Variants in PGBD2 observed in about 807,000 individuals in gnomAD.
PGBD2 encodes piggyBac transposable element-derived protein 2.
PGBD2 carries 6 observed loss-of-function variants against 8.1 expected under a neutral mutation model. That is an observed-to-expected ratio of 0.74 (90% confidence interval 0.40 to 1.46). The LOEUF is 1.46. Ranked by LOEUF, PGBD2 falls within the 40% of genes most tolerant of loss-of-function variation. The pLI is 0.02. For synonymous variants in PGBD2, 318 were observed against 272.2 expected, an observed-to-expected ratio of 1.17 and a Z score of -1.66; for missense variants, 802 against 739.0, an observed-to-expected ratio of 1.09 and a Z score of -0.99.
At chr1:248,880,151 A>G in the PGBD2 span, among the ~76,000 whole-genome samples, 1 of 152,168 alleles carries the variant, frequency 6.6e-6, no homozygotes, top group Non-Finnish European at 1.5e-5. Context: ...TGTCTTCAGA[A>G]TACATTCTGG....
upstream of PGBD2, among the ~76,000 whole-genome samples, chr1:248,901,906 A>T (rs561685672): frequency 5.3e-5 from 8 of 152,362 alleles, no homozygotes; most frequent in South Asian, 1.7e-3. Context: ...GAATAAAAAC[A>T]AATTTACAAG....
chr1:248,909,556 G>T (rs937465962), intron 1 of PGBD2, among the ~76,000 whole-genome samples: 1 of 152,168 alleles, frequency 6.6e-6, no homozygotes, highest in Non-Finnish European at 1.5e-5. Flanking sequence ...ATTTGGTTCA[G>T]CGAGTATTTA....
the PGBD2 span, among the ~76,000 whole-genome samples, chr1:248,927,564 T>C: frequency 5.9e-5 from 9 of 152,190 alleles, no homozygotes; most frequent in Non-Finnish European, 1.0e-4. Flanking sequence ...CATTATACCA[T>C]GAAAGTAGCC....
rs777470884 is a variant in PGBD2, at chr1:248,916,760, CAG to C, written c.177_178del (p.Asp61Ter). ...GCGGGGGAATTCACTGATGAGGACT[CAG>C]GGGATGAAGACAGCCAGCGAGGTGC... On this transcript the variant is annotated frameshift_variant, in exon 3 of 3. Coordinates refer to ENST00000329291, the MANE Select transcript of PGBD2 (RefSeq NM_170725.3). LOFTEE classifies it low-confidence loss of function (END_TRUNC). The C allele has an allele frequency of 8.1e-6, 13 of 1,614,128 alleles. No homozygotes were observed. The highest frequency in any genetic ancestry group is 4.5e-5 in the East Asian group (2 of 44,884).
At chr1:248,908,207 T>C (rs1661728845) in intron 1 of PGBD2, among the ~76,000 whole-genome samples, 1 of 152,200 alleles carries the variant, frequency 6.6e-6, no homozygotes, top group South Asian at 2.1e-4. Context: ...AATTTACATT[T>C]TAAACAGCAG....
In PGBD2 at chr1:248,918,489, C is replaced by A; in HGVS notation, c.*126C>A. ...TTCTAATGACTTGATTTTCTATTTT[C>A]TCCCTACCCACAATACAGTTATCTT... On this transcript the variant is annotated 3_prime_UTR_variant, in exon 3 of 3. Transcript: ENST00000329291. 1 of 899,220 alleles carries A rather than the reference C, an allele frequency of 1.1e-6. No individual in the cohort carries two copies. The highest frequency in any genetic ancestry group is 1.6e-6 in the Non-Finnish European group (1 of 610,580). 55.7% of individuals were successfully genotyped at this position (899,220 alleles called of 1,614,324 possible).
the PGBD2 span, among the ~76,000 whole-genome samples, chr1:248,899,454 C>T: frequency 6.6e-6 from 1 of 151,988 alleles, no homozygotes; most frequent in Non-Finnish European, 1.5e-5. Flanking sequence ...CACTCAAAAC[C>T]ACACCACTAC....
chr1:248,882,799 T>C, the PGBD2 span, among the ~76,000 whole-genome samples: 1 of 152,230 alleles, frequency 6.6e-6, no homozygotes, highest in Non-Finnish European at 1.5e-5. Flanking sequence ...CATGCACTGT[T>C]GGCTCGTTCT....
At chr1:248,914,418 C>A in intron 2 of PGBD2, 2 of 1,247,276 alleles carry the variant, frequency 1.6e-6, no homozygotes, top group Non-Finnish European at 2.1e-6. Context: ...TTAAGCCGGT[C>A]TCTTTTTCTG....
chr1:248,900,344 A>G, the PGBD2 span, among the ~76,000 whole-genome samples: 4 of 152,214 alleles, frequency 2.6e-5, no homozygotes, highest in East Asian at 1.9e-4. Context: ...AAAATACTCA[A>G]TAAAATACTG....
rs1662220239 is a variant in PGBD2, at chr1:248,918,944, A to G, written c.*581A>G. On this transcript the variant is annotated 3_prime_UTR_variant, in exon 3 of 3. Coordinates refer to ENST00000329291, the MANE Select transcript of PGBD2 (RefSeq NM_170725.3). ...GAGATTCATTTTTGTAAAAAAAATT[A>G]TTTTTTTAATTTTGTGGGTACATAG... 6.0e-6 allele frequency: 1 copy of G among 166,980 alleles called. No homozygotes were observed. Among genetic ancestry groups the G allele is most frequent in the South Asian group, 2.1e-4 (1 of 4,830 alleles). The allele number at this position is 166,980 out of a possible 1,614,324, so 10.3% of individuals were successfully genotyped here. A position where few individuals can be genotyped will look rare whatever the true frequency, so the allele number is the denominator to read the frequency against.
intron 1 of PGBD2, among the ~76,000 whole-genome samples, chr1:248,909,668 G>A (rs1661793714): frequency 6.6e-6 from 1 of 152,172 alleles, no homozygotes. Flanking sequence ...TGTGGTGAAA[G>A]CTGTGGTAAG....
At chr1:248,924,169 G>A (rs1202037627), downstream of PGBD2, among the ~76,000 whole-genome samples, 4 of 152,198 alleles carry the variant, frequency 2.6e-5, no homozygotes, top group Non-Finnish European at 4.4e-5. Context: ...CAGCAGCAGC[G>A]TCCATCCAGA....
At position 248,918,388 on chromosome 1, in the gene PGBD2, T is replaced by G; in HGVS notation, c.*25T>G. On this transcript the variant is annotated 3_prime_UTR_variant, in exon 3 of 3. Coordinates refer to ENST00000329291, the MANE Select transcript of PGBD2 (RefSeq NM_170725.3). ...ACATCATGAGACATGCTTCTTTGGT[T>G]TATAATGAGATGTTTACAGTTAAAT... 1 of 1,519,554 alleles carries G rather than the reference T, an allele frequency of 6.6e-7. No homozygotes were observed. Among genetic ancestry groups the G allele is most frequent in the Non-Finnish European group, 8.8e-7 (1 of 1,134,546 alleles). The allele number at this position is 1,519,554 out of a possible 1,614,324, so 94.1% of individuals were successfully genotyped here. A position where few individuals can be genotyped will look rare whatever the true frequency, so the allele number is the denominator to read the frequency against.
At chr1:248,914,648 G>T (rs558740830) in intron 2 of PGBD2, 2 of 1,242,900 alleles carry the variant, frequency 1.6e-6, no homozygotes, top group African/African-American at 1.5e-5. Context: ...CTGCAAAGGG[G>T]CACAGGGAAG....
At chr1:248,911,263 A>C (rs544140133) in intron 1 of PGBD2, among the ~76,000 whole-genome samples, 3 of 149,150 alleles carry the variant, frequency 2.0e-5, no homozygotes, top group Non-Finnish European at 3.0e-5. Context: ...AGGACCCTGC[A>C]GCCTTCTGCA....
the PGBD2 span, among the ~76,000 whole-genome samples, chr1:248,876,789 A>T: frequency 6.6e-6 from 1 of 152,204 alleles, no homozygotes; most frequent in Non-Finnish European, 1.5e-5. Context: ...AAAAGTTTGG[A>T]TCATTCTGAA....
chr1:248,924,735 T>C (rs913548024), downstream of PGBD2, among the ~76,000 whole-genome samples: 1 of 152,186 alleles, frequency 6.6e-6, no homozygotes, highest in African/African-American at 2.4e-5. Flanking sequence ...AGAAAACTGG[T>C]TGATGCCTCC....
At chr1:248,906,135 G>C (rs1467596372), upstream of PGBD2, 17 of 151,982 alleles carry the variant, frequency 1.1e-4, no homozygotes, top group Non-Finnish European at 2.5e-4. Context: ...TAGGCGCCGC[G>C]GAGGTCCTGG....
Sources: gnomAD v4.1 joint callset for allele counts (sites outside exome capture counted in the v4.1 genomes callset) on GRCh38, gnomAD v4.1.1 for gene constraint, MANE v1.5 for transcripts, NCBI Gene and HGNC (gene_info 2026-07-23, HGNC 2026-07-21) for gene names.